Variants in ARHGAP26 observed in about 807,000 individuals in gnomAD.
The protein encoded by ARHGAP26 is rho GTPase-activating protein 26.
In ARHGAP26, 38 loss-of-function variants were observed where a neutral mutation model predicts 104.8. The observed-to-expected ratio is 0.36, with a 90% CI of 0.28 to 0.48. The LOEUF (loss-of-function observed/expected upper bound fraction) is 0.48, where lower values mean the gene tolerates loss of function less well. Ranked by LOEUF, ARHGAP26 falls within the 20% of genes least tolerant of loss-of-function variation. ARHGAP26 has a pLI of 0.99. For missense variants in ARHGAP26, 704 were observed against 947.9 expected (o/e 0.74, Z 3.38); for synonymous variants, 341 against 340.0 (o/e 1.00, Z -0.03).
chr5:143,082,032 A>C (rs1464012824), intron 17 of ARHGAP26, among the ~76,000 whole-genome samples: 1 of 151,982 alleles, frequency 6.6e-6, no homozygotes, highest in Non-Finnish European at 1.5e-5. Flanking sequence ...AAAAAAAAAA[A>C]AATGGTAGCT....
rs570408819 is a variant in ARHGAP26, at chr5:142,887,259, C to T, written c.486+1860C>T. On this transcript the variant is annotated intron_variant, in intron 5 of 22. Transcript: ENST00000645722. Reference sequence around the variant, plus strand: ...TTACCACAGTGTAGGGACCAGAACGCTGGGCTGGCAAAGAGGATACCTTGC... The same window carrying T: ...TTACCACAGTGTAGGGACCAGAACGTTGGGCTGGCAAAGAGGATACCTTGC... Among the ~76,000 whole-genome samples, 37 of 152,162 alleles carry T rather than the reference C, an allele frequency of 2.4e-4. 1 individual carries two copies. The highest frequency in any genetic ancestry group is 3.4e-3 in the Middle Eastern group (1 of 294).
chr5:143,117,971 A>G (rs1795691921), intron 17 of ARHGAP26, among the ~76,000 whole-genome samples: 1 of 152,246 alleles, frequency 6.6e-6, no homozygotes, highest in Non-Finnish European at 1.5e-5. Context: ...CTACCAAATA[A>G]AATACCATAC....
chr5:142,953,525 C>T (rs1033115167), intron 11 of ARHGAP26, among the ~76,000 whole-genome samples: 3 of 152,154 alleles, frequency 2.0e-5, no homozygotes, highest in African/African-American at 7.2e-5. Context: ...TAGCTTTCAA[C>T]AGTCTAGTTC....
chr5:143,083,758 C>T (rs1790153494), intron 17 of ARHGAP26, among the ~76,000 whole-genome samples: 1 of 152,190 alleles, frequency 6.6e-6, no homozygotes, highest in African/African-American at 2.4e-5. Flanking sequence ...CTCTGCCTCC[C>T]AAAATGCTGG....
At chr5:142,927,078 T>A (rs1764018988) in intron 10 of ARHGAP26, among the ~76,000 whole-genome samples, 1 of 152,176 alleles carries the variant, frequency 6.6e-6, no homozygotes. Context: ...GCCGTGGTTA[T>A]ACATCTAGGA....
intron 9 of ARHGAP26, among the ~76,000 whole-genome samples, chr5:142,911,190 C>T (rs147052697): frequency 2.6e-5 from 4 of 152,268 alleles, no homozygotes; most frequent in East Asian, 3.9e-4. Context: ...AGCCCAAAAC[C>T]GATCCTATCC....
intron 11 of ARHGAP26, among the ~76,000 whole-genome samples, chr5:142,975,593 C>A (rs1772952059): frequency 6.6e-6 from 1 of 152,050 alleles, no homozygotes; most frequent in Admixed American, 6.6e-5. Flanking sequence ...TAAAGATGAT[C>A]CCTGAAAGTT....
chr5:142,807,443 C>T (rs1763195526), intron 1 of ARHGAP26, among the ~76,000 whole-genome samples: 1 of 152,308 alleles, frequency 6.6e-6, no homozygotes, highest in South Asian at 2.1e-4. Context: ...AGGCCCAGCG[C>T]TTCAGTTCAG....
At chr5:142,966,756 G>C (rs1771417011) in intron 11 of ARHGAP26, among the ~76,000 whole-genome samples, 1 of 152,226 alleles carries the variant, frequency 6.6e-6, no homozygotes, top group East Asian at 1.9e-4. Context: ...TAAGTTCTGG[G>C]ATACATGTGC....
chr5:142,907,135 G>T (rs1761213440), intron 8 of ARHGAP26, among the ~76,000 whole-genome samples: 1 of 152,186 alleles, frequency 6.6e-6, no homozygotes, highest in South Asian at 2.1e-4. Flanking sequence ...CTTCCACTCT[G>T]CATCTCTGGT....
intron 17 of ARHGAP26, among the ~76,000 whole-genome samples, chr5:143,090,786 T>C (rs1037115774): frequency 1.3e-5 from 2 of 152,206 alleles, no homozygotes; most frequent in Non-Finnish European, 2.9e-5. Flanking sequence ...CCGCAGAACA[T>C]TGGACCAACT....
chr5:142,999,037 G>A (rs539267219), intron 11 of ARHGAP26, among the ~76,000 whole-genome samples: 1 of 152,126 alleles, frequency 6.6e-6, no homozygotes, highest in Non-Finnish European at 1.5e-5. Context: ...GACCTAAAGG[G>A]GTTCATTCAT....
chr5:143,122,506 A>G (rs1796257496), intron 18 of ARHGAP26, among the ~76,000 whole-genome samples: 1 of 152,244 alleles, frequency 6.6e-6, no homozygotes, highest in African/African-American at 2.4e-5. Flanking sequence ...ATATCAAAAG[A>G]CAAAATCACA....
intron 12 of ARHGAP26, among the ~76,000 whole-genome samples, chr5:143,029,899 T>A (rs1167497351): frequency 6.6e-6 from 1 of 152,226 alleles, no homozygotes; most frequent in Non-Finnish European, 1.5e-5. Flanking sequence ...CTAGTTCATG[T>A]TGAGGCTAAT....
chr5:143,117,972 A>C (rs1440115464), intron 17 of ARHGAP26, among the ~76,000 whole-genome samples: 2 of 152,236 alleles, frequency 1.3e-5, no homozygotes, highest in African/African-American at 4.8e-5. Context: ...TACCAAATAA[A>C]ATACCATACT....
intron 11 of ARHGAP26, among the ~76,000 whole-genome samples, chr5:142,947,457 T>G (rs898593845): frequency 3.3e-5 from 5 of 152,210 alleles, no homozygotes; most frequent in Admixed American, 1.3e-4. Flanking sequence ...GCATTTTGGA[T>G]GGATACCAAT....
At chr5:142,924,552 A>G (rs1283665598) in intron 10 of ARHGAP26, among the ~76,000 whole-genome samples, 1 of 152,258 alleles carries the variant, frequency 6.6e-6, no homozygotes, top group Non-Finnish European at 1.5e-5. Flanking sequence ...TGGTTAGCAC[A>G]TAATAAACAC....
chr5:142,895,193 G>GAT (rs984213184), intron 6 of ARHGAP26, among the ~76,000 whole-genome samples: 52 of 152,274 alleles, frequency 3.4e-4, no homozygotes, highest in African/African-American at 1.2e-3. Flanking sequence ...GTACAAATAA[G>GAT]ATTCTCTACC....
At chr5:143,203,691 G>C (rs1251262734) in intron 20 of ARHGAP26, 1 of 152,198 alleles carries the variant, frequency 6.6e-6, no homozygotes, top group Middle Eastern at 3.2e-3. Flanking sequence ...ATCAGTGATA[G>C]ACTGGATAAA....
Sources: gnomAD v4.1 joint callset for allele counts (sites outside exome capture counted in the v4.1 genomes callset) on GRCh38, gnomAD v4.1.1 for gene constraint, MANE v1.5 for transcripts, NCBI Gene and HGNC (gene_info 2026-07-23, HGNC 2026-07-21) for gene names.